AGMO: variants seen among roughly 807,000 people sequenced by gnomAD.
AGMO encodes alkylglycerol monooxygenase, also known as glyceryl-ether monooxygenase.
Under a neutral mutation model 60.2 loss-of-function variants are expected in AGMO, and 75 were observed. The ratio of observed to expected loss-of-function variants is 1.25; its 90% CI spans 1.03 to 1.51. The LOEUF is 1.51. AGMO is among the 40% of genes most tolerant of loss of function. AGMO has a pLI of 0.00. For missense variants in AGMO, 763 were observed against 525.5 expected (o/e 1.45, Z -4.42); for synonymous variants, 261 against 177.1 (o/e 1.47, Z -3.76).
intron 3 of AGMO, among the ~76,000 whole-genome samples, chr7:15,521,628 C>G (rs1421744765): frequency 6.6e-6 from 1 of 152,072 alleles, no homozygotes; most frequent in Non-Finnish European, 1.5e-5. Context: ...GCAGAAAAAG[C>G]CTTTGATAAA....
chr7:15,119,043 A>G, the AGMO span, among the ~76,000 whole-genome samples: 1 of 151,182 alleles, frequency 6.6e-6, no homozygotes, highest in East Asian at 2.0e-4. Context: ...TGGAAAATTG[A>G]TTGATATTAA....
chr7:15,425,888 A>T (rs1583539001), intron 4 of AGMO, among the ~76,000 whole-genome samples: 1 of 152,226 alleles, frequency 6.6e-6, no homozygotes, highest in East Asian at 1.9e-4. Flanking sequence ...AAGACATGAC[A>T]GAGCTAAAAA....
At chr7:15,291,684 G>T (rs1377751521) in intron 12 of AGMO, among the ~76,000 whole-genome samples, 1 of 152,160 alleles carries the variant, frequency 6.6e-6, no homozygotes, top group Non-Finnish European at 1.5e-5. Context: ...AGAGAGGATT[G>T]AAACAGAATA....
intron 9 of AGMO, 91 bp from the exon 10 acceptor site, chr7:15,385,653 G>A: frequency 1.4e-6 from 1 of 737,704 alleles, no homozygotes; most frequent in East Asian, 2.6e-5. Context: ...AAAAGTATCT[G>A]CTATTTTTTT....
chr7:15,316,095 A>T (rs1277998691), intron 12 of AGMO, among the ~76,000 whole-genome samples: 1 of 152,192 alleles, frequency 6.6e-6, no homozygotes, highest in Admixed American at 6.5e-5. Flanking sequence ...AGCAAAGATC[A>T]TCAAAATGGC....
At chr7:15,323,348 T>C (rs1398653096) in intron 12 of AGMO, among the ~76,000 whole-genome samples, 3 of 152,124 alleles carry the variant, frequency 2.0e-5, no homozygotes, top group Non-Finnish European at 2.9e-5. Context: ...TACATTGATA[T>C]AAAAGAATTG....
At chr7:15,335,566 T>G (rs1563093694) in intron 12 of AGMO, among the ~76,000 whole-genome samples, 1 of 152,132 alleles carries the variant, frequency 6.6e-6, no homozygotes, top group Non-Finnish European at 1.5e-5. Context: ...TCACCTGGAA[T>G]AGAAATCATG....
At chr7:15,457,702 C>G (rs1233627289) in intron 3 of AGMO, among the ~76,000 whole-genome samples, 1 of 151,986 alleles carries the variant, frequency 6.6e-6, no homozygotes, top group African/African-American at 2.4e-5. Context: ...GGGTTTATGA[C>G]TGAAAGAAGT....
chr7:15,228,271 G>A (rs1265719467), intron 12 of AGMO, among the ~76,000 whole-genome samples: 11 of 151,972 alleles, frequency 7.2e-5, no homozygotes, highest in South Asian at 6.2e-4. Context: ...TGAGTGACAC[G>A]TGGTCAAAAC....
intron 2 of AGMO, among the ~76,000 whole-genome samples, chr7:15,550,381 G>T (rs888584077): frequency 2.0e-5 from 3 of 152,052 alleles, no homozygotes; most frequent in African/African-American, 4.8e-5. Context: ...TCCAGGAGCT[G>T]GTTTTTTGAA....
intron 10 of AGMO, among the ~76,000 whole-genome samples, chr7:15,376,619 C>G (rs991968888): frequency 2.0e-5 from 3 of 151,958 alleles, no homozygotes; most frequent in East Asian, 1.9e-4. Flanking sequence ...ATTATAAGAC[C>G]TTATTGAATA....
chr7:15,383,394 C>T (rs887857918), intron 10 of AGMO, among the ~76,000 whole-genome samples: 8 of 151,940 alleles, frequency 5.3e-5, no homozygotes, highest in African/African-American at 9.7e-5. Context: ...ATCCACTCTG[C>T]GTTGAATTTC....
intron 10 of AGMO, among the ~76,000 whole-genome samples, chr7:15,380,395 G>A (rs186941244): frequency 6.6e-6 from 1 of 152,032 alleles, no homozygotes; most frequent in Non-Finnish European, 1.5e-5. Flanking sequence ...AATTAGGAAT[G>A]AACTCCCATT....
At chr7:15,382,201 A>G (rs1424692611) in intron 10 of AGMO, among the ~76,000 whole-genome samples, 1 of 152,148 alleles carries the variant, frequency 6.6e-6, no homozygotes, top group Non-Finnish European at 1.5e-5. Flanking sequence ...GGCTTTTCTC[A>G]ATACATTATT....
At chr7:15,309,595 G>A (rs911764096) in intron 12 of AGMO, among the ~76,000 whole-genome samples, 2 of 152,062 alleles carry the variant, frequency 1.3e-5, no homozygotes, top group Non-Finnish European at 2.9e-5. Flanking sequence ...TGTTAGAAAA[G>A]ACAGGTCCCT....
chr7:15,413,815 G>A (rs1202785409), intron 5 of AGMO, among the ~76,000 whole-genome samples: 1 of 152,044 alleles, frequency 6.6e-6, no homozygotes, highest in Admixed American at 6.6e-5. Flanking sequence ...TACAAAAGAT[G>A]CAGTTTTTCA....
intron 2 of AGMO, among the ~76,000 whole-genome samples, chr7:15,549,515 T>A (rs1415147255): frequency 3.3e-5 from 5 of 151,772 alleles, no homozygotes; most frequent in Non-Finnish European, 5.9e-5. Flanking sequence ...GGGGTTGCAA[T>A]CCTAGTCTCT....
At chr7:15,190,204 T>G in the AGMO span, among the ~76,000 whole-genome samples, 2 of 1,904 alleles carry the variant, frequency 1.1e-3, no homozygotes, top group Admixed American at 5.1e-3. Context: ...TATATATTTA[T>G]ATATATATAT....
the AGMO span, among the ~76,000 whole-genome samples, chr7:15,178,193 A>G: frequency 6.6e-6 from 1 of 152,138 alleles, no homozygotes; most frequent in Admixed American, 6.6e-5. Flanking sequence ...TTTGGCCAGA[A>G]TATGTTCTCA....
Sources: gnomAD v4.1 joint callset for allele counts (sites outside exome capture counted in the v4.1 genomes callset) on GRCh38, gnomAD v4.1.1 for gene constraint, MANE v1.5 for transcripts, NCBI Gene and HGNC (gene_info 2026-07-23, HGNC 2026-07-21) for gene names.